Variants in HACD1 observed in about 807,000 individuals in gnomAD.
The protein encoded by HACD1 is very-long-chain (3R)-3-hydroxyacyl-CoA dehydratase 1.
A neutral mutation model predicts 32.0 loss-of-function variants in HACD1; 41 were observed. That is an observed-to-expected ratio of 1.28 (90% CI 1.00 to 1.66). The LOEUF is 1.66. Among genes scored for constraint, HACD1 ranks in the 40% most tolerant of loss-of-function variants. The pLI is 0.00. For missense variants in HACD1, 396 were observed against 380.1 expected (o/e 1.04, Z -0.35); for synonymous variants, 142 against 139.0 (o/e 1.02, Z -0.15).
In HACD1 at chr10:17,594,283, T is replaced by C. The variant is rs200345284; in HGVS notation, c.706A>G (p.Ile236Val). 7.2e-5 allele frequency: 116 copies of C among 1,602,612 alleles called. No individual in the cohort carries two copies. The Admixed American group carries it at 9.8e-4, about 13-fold the overall frequency. ...ACATTGTATTTGTTAGGAAGTCTTA[T>C]TGAAAACATTCCTGTTTTCTTCACA... Reference protein sequence around the residue: ...PHVKKTGMFSIRLPNKYNVSF... With the variant: ...PHVKKTGMFSVRLPNKYNVSF... Residue 236 changes from isoleucine (I) to valine (V), a missense_variant, in exon 6 of 7, where the codon ATA becomes GTA. Coordinates refer to ENST00000361271, the MANE Select transcript of HACD1 (RefSeq NM_014241.4).
chr10:17,600,022 G>T (rs782668071), intron 4 of HACD1, among the ~76,000 whole-genome samples: 9 of 152,124 alleles, frequency 5.9e-5, no homozygotes, highest in Non-Finnish European at 1.3e-4. Context: ...CCTAATACCT[G>T]GGCACCATAT....
At chr10:17,606,326 C>T (rs1414607306) in intron 1 of HACD1, among the ~76,000 whole-genome samples, 1 of 152,208 alleles carries the variant, frequency 6.6e-6, no homozygotes, top group Admixed American at 6.5e-5. Context: ...CTTTCTCATA[C>T]TACTTCTTAC....
intron 1 of HACD1, chr10:17,616,001 G>C (rs184869633): frequency 4.2e-6 from 1 of 238,776 alleles, no homozygotes; most frequent in African/African-American, 2.4e-5. Context: ...GGGCGGGATG[G>C]CTCACGCTTG....
chr10:17,609,155 G>GTT (rs56347429), intron 1 of HACD1, among the ~76,000 whole-genome samples: 12,882 of 131,964 alleles, frequency 0.098, 734 homozygotes, highest in East Asian at 0.23. Context: ...TGTGCAAAAG[G>GTT]TTTTTTTTTT....
rs781998397 is a variant in HACD1 at position 17,599,386 on chromosome 10, A to T, written c.509T>A (p.Leu170His). 8.7e-6 allele frequency: 14 copies of T among 1,613,768 alleles called. No individual in the cohort carries two copies. The highest frequency in any genetic ancestry group is 1.2e-5 in the Non-Finnish European group (14 of 1,179,976). ...TGTCACAGTCCACGCGACCAGAAAA[A>T]GCACCACACTCTCTTCATTCTGGAT... is the stretch of plus-strand genomic sequence containing the variant. ...KPIQNEESVVLFLVAWTVTEI... is the reference protein window; with the variant it reads ...KPIQNEESVVHFLVAWTVTEI... The change falls in exon 5 of 7, where the codon CTT (leucine) becomes CAT (histidine). Residue 170 changes from leucine (L) to histidine (H), a missense_variant. By Grantham distance (99) the Leu-to-His change is moderately conservative (BLOSUM62 -3). Transcript: ENST00000361271.
rs139189799 is a variant in HACD1 at position 17,609,520 on chromosome 10, A to T, written c.258-5473T>A. 1.6e-3 allele frequency among the ~76,000 whole-genome samples: 248 copies of T among 152,282 alleles called. 1 individual carries two copies. The highest frequency in any genetic ancestry group is 6.8e-3 in the Middle Eastern group (2 of 294). On this transcript the variant is annotated intron_variant, in intron 1 of 6. Transcript: ENST00000361271. ...TGATTGGCAAGTGAAGCACATGAAA[A>T]GATACTCAGTATCGTTAGCTACTAG...
chr10:17,602,179 C>G (rs1203504959), intron 4 of HACD1, among the ~76,000 whole-genome samples: 3 of 151,720 alleles, frequency 2.0e-5, no homozygotes, highest in African/African-American at 7.3e-5. Flanking sequence ...AAGCAATTCT[C>G]CTGCCTCAGC....
rs1554816762 is a variant in HACD1 at position 17,603,756 on chromosome 10, T to C, written c.376-12A>G. 6 of 1,590,198 alleles carry C rather than the reference T, an allele frequency of 3.8e-6. No homozygotes were observed. The Admixed American group carries it at 8.5e-5, about 22-fold the overall frequency. ...AAACAGTGAACTATCTGTAAGCAAA[T>C]AGAAAAAAATCATTACGTCAATAAT... On this transcript the variant is annotated splice_polypyrimidine_tract_variant and intron_variant, in intron 2 of 6. Transcript: ENST00000361271.
intron 5 of HACD1, among the ~76,000 whole-genome samples, chr10:17,594,736 G>A (rs10904974): frequency 0.38 from 57,551 of 151,852 alleles, 12,081 homozygotes; most frequent in African/African-American, 0.56. Context: ...CAGCGGCACA[G>A]TCTTGGCTCA....
chr10:17,615,827 C>T (rs994306446), intron 1 of HACD1: 5 of 430,942 alleles, frequency 1.2e-5, no homozygotes, highest in Admixed American at 7.5e-5. Flanking sequence ...ATTAATGGGG[C>T]GTGGTGGCCC....
chr10:17,598,294 T>TAAAACAC, intron 5 of HACD1, among the ~76,000 whole-genome samples: 1 of 145,018 alleles, frequency 6.9e-6, no homozygotes, highest in East Asian at 2.0e-4. Context: ...AAAAAACCCA[T>TAAAACAC]AAAACACAAT....
At chr10:17,600,325 A>G (rs1247021031) in intron 4 of HACD1, among the ~76,000 whole-genome samples, 1 of 151,900 alleles carries the variant, frequency 6.6e-6, no homozygotes, top group Non-Finnish European at 1.5e-5. Context: ...ACCTTTATTT[A>G]TTTATTTATT....
In HACD1 at chr10:17,603,815, C is replaced by T. The variant is rs2252808; in HGVS notation, c.376-71G>A. ...TTAAATAAACCACTGTCAACATTGG[C>T]ATTCAGCAAATCCATAGGTGGTATG... is the stretch of plus-strand genomic sequence containing the variant. On this transcript the variant is annotated intron_variant, in intron 2 of 6. Coordinates refer to ENST00000361271, the MANE Select transcript of HACD1 (RefSeq NM_014241.4). 0.57 allele frequency: 853,028 copies of T among 1,503,736 alleles called. 244,929 individuals are homozygous for T. Among genetic ancestry groups the T allele is most frequent in the African/African-American group, 0.76 (54,483 of 71,802 alleles). The allele number at this position is 1,503,736 out of a possible 1,614,324, so 93.1% of individuals were successfully genotyped here.
rs148877130 is a variant in HACD1, at chr10:17,601,220, G to C, written c.484-1809C>G. Among the ~76,000 whole-genome samples the C allele has an allele frequency of 8.9e-3, 1,346 of 152,068 alleles. 22 individuals are homozygous for C. Among genetic ancestry groups the C allele is most frequent in the African/African-American group, 0.03 (1,256 of 41,488 alleles). On this transcript the variant is annotated intron_variant, in intron 4 of 6. Coordinates refer to ENST00000361271, the MANE Select transcript of HACD1 (RefSeq NM_014241.4). ...GGCTAATTTTTGAATTTTTAGTAGA[G>C]ACAGGGTTTCACCATGTTGGCCAGG...
At chr10:17,606,766 C>A (rs1202948293) in intron 1 of HACD1, among the ~76,000 whole-genome samples, 1 of 152,102 alleles carries the variant, frequency 6.6e-6, no homozygotes, top group East Asian at 1.9e-4. Context: ...ACCACAAGGA[C>A]CTTTGAAATG....
intron 6 of HACD1, among the ~76,000 whole-genome samples, chr10:17,592,344 A>C (rs1833939712): frequency 1.3e-5 from 2 of 152,138 alleles, no homozygotes; most frequent in African/African-American, 4.8e-5. Context: ...ATGAGAAATA[A>C]TACTACTACT....
intron 5 of HACD1, 151 bp from the exon 6 acceptor site, chr10:17,594,534 TTAATC>T (rs1405598959): frequency 3.6e-6 from 2 of 561,576 alleles, no homozygotes; most frequent in Non-Finnish European, 5.5e-6. Flanking sequence ...TAGTTCTACT[TTAATC>T]ATTTGCTTAT....
chr10:17,605,576 AAAC>A lies in HACD1; in HGVS notation c.258-1532_258-1530del, dbSNP rs1225135641. On this transcript the variant is annotated intron_variant, in intron 1 of 6. Coordinates refer to ENST00000361271, the MANE Select transcript of HACD1 (RefSeq NM_014241.4). Reference sequence around the variant, plus strand: ...TTAATATTTACTTAATTTTCACTAAAAACAACAACAACAACAATTGCTGAGCCA... The same window carrying A: ...TTAATATTTACTTAATTTTCACTAAAAACAACAACAACAATTGCTGAGCCA... Among the ~76,000 whole-genome samples, 9 of 151,998 alleles carry A rather than the reference AAAC, an allele frequency of 5.9e-5. No individual in the cohort carries two copies. In the South Asian group the frequency reaches 8.3e-4, roughly 14 times the overall value.
At chr10:17,595,299 A>G (rs1328814007) in intron 5 of HACD1, among the ~76,000 whole-genome samples, 2 of 152,224 alleles carry the variant, frequency 1.3e-5, no homozygotes, top group Non-Finnish European at 2.9e-5. Flanking sequence ...TAAATTTTAT[A>G]TCTAAACCTT....
Sources: allele counts gnomAD v4.1 joint callset (sites outside exome capture counted in the v4.1 genomes callset), GRCh38; gene constraint gnomAD v4.1.1; transcripts MANE v1.5; gene names NCBI Gene and HGNC (gene_info 2026-07-23, HGNC 2026-07-21).